RNPEP: variants seen among roughly 807,000 people sequenced by gnomAD.
The protein encoded by RNPEP is aminopeptidase B.
A neutral mutation model predicts 70.1 loss-of-function variants in RNPEP; 57 were observed. That is an observed-to-expected ratio of 0.81 (90% CI 0.66 to 1.01). RNPEP has a LOEUF of 1.01. Ranked by LOEUF, RNPEP falls within the 50% of genes least tolerant of loss-of-function variation. The pLI is 0.00. For missense variants in RNPEP, 787 were observed against 852.4 expected (o/e 0.92, Z 0.96); for synonymous variants, 335 against 357.4 (o/e 0.94, Z 0.71).
At chr1:201,995,405 G>A (rs151053650) in intron 3 of RNPEP, among the ~76,000 whole-genome samples, 20 of 152,166 alleles carry the variant, frequency 1.3e-4, no homozygotes, top group East Asian at 9.7e-4. Flanking sequence ...GGTTTGGGTC[G>A]GACACAGTGG....
chr1:201,999,861 G>A (rs1683717784), intron 5 of RNPEP, 41 bp from the exon 6 acceptor site: 1 of 1,511,086 alleles, frequency 6.6e-7, no homozygotes, highest in Non-Finnish European at 9.1e-7. Flanking sequence ...TGGATGTGGT[G>A]ACAGACGTTT....
chr1:202,000,221 G>A, intron 6 of RNPEP: 2 of 496,030 alleles, frequency 4.0e-6, no homozygotes, highest in East Asian at 3.3e-5. Context: ...TGTCCAGTCT[G>A]TGCGGTTCGT....
At chr1:202,002,888 G>T (rs1683887045) in intron 8 of RNPEP, among the ~76,000 whole-genome samples, 1 of 152,152 alleles carries the variant, frequency 6.6e-6, no homozygotes, top group East Asian at 1.9e-4. Context: ...ACAGAGCAGG[G>T]GTAGGAACCC....
At position 201,999,951 on chromosome 1, in the gene RNPEP, T is replaced by C; in HGVS notation, c.1140T>C (p.Arg380=). ...LEAATGRALL[R]QHMDITGEEN... ...CTGCAACGGGGCGGGCTCTGCTGCG[T>C]CAGCACATGGACATCACTGGAGAGG... Residue 380 remains arginine, a synonymous_variant, in exon 6 of 11, where the codon CGT becomes CGC. Coordinates refer to ENST00000295640, the MANE Select transcript of RNPEP (RefSeq NM_020216.4). 6.2e-7 allele frequency: 1 copy of C among 1,613,858 alleles called. No individual in the cohort carries two copies. The highest frequency in any genetic ancestry group is 8.5e-7 in the Non-Finnish European group (1 of 1,179,884).
intron 8 of RNPEP, among the ~76,000 whole-genome samples, chr1:202,002,511 T>C (rs1178308597): frequency 6.6e-6 from 1 of 152,204 alleles, no homozygotes; most frequent in African/African-American, 2.4e-5. Context: ...ACGAAAAATG[T>C]CCTGTCATGG....
rs1406870299 is a variant in RNPEP at position 201,989,589 on chromosome 1, CT to C, written c.737+59del. On this transcript the variant is annotated intron_variant, in intron 3 of 10. Coordinates refer to ENST00000295640, the MANE Select transcript of RNPEP (RefSeq NM_020216.4). ...ATTGGCCTCAGAGGTGAGGAGGACTCTGACCAGTGGACCTGCTGGGGGGGTT... is the reference window on the plus strand; with the variant it reads ...ATTGGCCTCAGAGGTGAGGAGGACTCGACCAGTGGACCTGCTGGGGGGGTT... 4 of 1,592,902 alleles carry C rather than the reference CT, an allele frequency of 2.5e-6. No homozygotes were observed. The Admixed American group carries it at 6.8e-5, about 27-fold the overall frequency.
chr1:201,994,611 C>T (rs531090235), intron 3 of RNPEP, among the ~76,000 whole-genome samples: 13 of 151,864 alleles, frequency 8.6e-5, no homozygotes, highest in East Asian at 3.9e-4. Flanking sequence ...CTTCAGCAAA[C>T]GCAGAGGAAG....
chr1:201,982,766 T>G lies in RNPEP; in HGVS notation c.100T>G (p.Phe34Val). 2 of 1,362,288 alleles carry G rather than the reference T, an allele frequency of 1.5e-6. No homozygotes were observed. Among genetic ancestry groups the G allele is most frequent in the Non-Finnish European group, 1.9e-6 (2 of 1,056,346 alleles). The allele number at this position is 1,362,288 out of a possible 1,614,324, so 84.4% of individuals were successfully genotyped here. Residue 34 changes from phenylalanine (F) to valine (V), a missense_variant, in exon 1 of 11, where the codon TTT becomes GTT. Coordinates refer to ENST00000295640, the MANE Select transcript of RNPEP (RefSeq NM_020216.4). The part of the protein sequence containing the change: ...DVASASNFRA[F>V]ELLHLHLDLR... ...GGCCTCGGCCTCCAACTTCCGGGCC[T>G]TTGAGCTGCTGCACTTGCACCTGGA... is the stretch of plus-strand genomic sequence containing the variant.
chr1:201,997,336 T>C lies in RNPEP; in HGVS notation c.872T>C (p.Met291Thr). Reference protein sequence around the residue: ...YVWGRYDLLFMPPSFPFGGME... With the variant: ...YVWGRYDLLFTPPSFPFGGME... The stretch of plus-strand genomic sequence containing the variant: ...CTCGGCAGGTATGACTTGCTCTTCA[T>C]GCCACCGTCCTTTCCATTTGGAGGA... Residue 291 changes from methionine (M) to threonine (T), a missense_variant, in exon 5 of 11, where the codon ATG (methionine) becomes ACG (threonine). Physicochemically the swap from Met to Thr is moderately conservative, Grantham distance 81. Coordinates refer to ENST00000295640, the MANE Select transcript of RNPEP (RefSeq NM_020216.4). The C allele has an allele frequency of 6.2e-7, 1 of 1,614,204 alleles. No individual in the cohort carries two copies.
At chr1:201,983,891 T>A in intron 1 of RNPEP, 1 of 992,418 alleles carries the variant, frequency 1.0e-6, no homozygotes. Context: ...TCAGGTAGAG[T>A]TGGTTGCAAG....
At position 201,996,639 on chromosome 1, in the gene RNPEP, G is replaced by A. The variant is rs112855260; in HGVS notation, c.854+376G>A. The stretch of plus-strand genomic sequence containing the variant: ...CTCCAGAGTAGCTGGGATTACAGAC[G>A]CCCTCCACCACACTCAGCTAATTTT... On this transcript the variant is annotated intron_variant, in intron 4 of 10. Transcript: ENST00000295640. Among the ~76,000 whole-genome samples, 1,517 of 152,122 alleles carry A rather than the reference G, an allele frequency of 1.0e-2. 26 individuals are homozygous for A. Among genetic ancestry groups the A allele is most frequent in the African/African-American group, 0.034 (1,394 of 41,492 alleles).
chr1:201,987,090 G>T (rs1232468584), intron 1 of RNPEP, among the ~76,000 whole-genome samples: 1 of 152,074 alleles, frequency 6.6e-6, no homozygotes, highest in Non-Finnish European at 1.5e-5. Flanking sequence ...CTCAGACACT[G>T]CTGTGTTCAG....
Position 201,982,823 on chromosome 1 carries a change from G to A in RNPEP, c.157G>A (p.Gly53Ser), listed in dbSNP as rs1451005061. The change falls in exon 1 of 11, where the codon GGC (glycine) becomes AGC (serine). Residue 53 changes from glycine (G) to serine (S), a missense_variant. By Grantham distance (56) the Gly-to-Ser change is moderately conservative (BLOSUM62 0). Coordinates refer to ENST00000295640, the MANE Select transcript of RNPEP (RefSeq NM_020216.4). ...LRAEFGPPGP[G>S]AGSRGLSGTA... is the part of the protein sequence containing the mutation. ...GGCTGAGTTCGGGCCTCCAGGGCCC[G>A]GCGCAGGGAGCCGGGGGCTGAGCGG... The A allele has an allele frequency of 3.0e-6, 4 of 1,333,204 alleles. No individual in the cohort carries two copies. Among genetic ancestry groups the A allele is most frequent in the African/African-American group, 1.5e-5 (1 of 64,660 alleles). The allele number at this position is 1,333,204 out of a possible 1,614,324, so 82.6% of individuals were successfully genotyped here. A position where few individuals can be genotyped will look rare whatever the true frequency, so the allele number is the denominator to read the frequency against.
chr1:201,991,407 G>C (rs6691786), intron 3 of RNPEP, among the ~76,000 whole-genome samples: 132,312 of 152,222 alleles, frequency 0.87, 57,857 homozygotes, highest in East Asian at 0.94. Context: ...CCACCACGCC[G>C]GGCCGTGGGG....
Position 202,000,307 on chromosome 1 carries a change from A to T in RNPEP, c.1204+292A>T, listed in dbSNP as rs188027843. 586 of 282,600 alleles carry T rather than the reference A, an allele frequency of 2.1e-3. 3 individuals are homozygous for T. The highest frequency in any genetic ancestry group is 2.6e-3 in the Non-Finnish European group (390 of 147,706). 17.5% of individuals were successfully genotyped at this position (282,600 alleles called of 1,614,324 possible). The stretch of plus-strand genomic sequence containing the variant: ...GGCTCTTTCGCATTCCTTCATGATC[A>T]TCAGGGCAGATCTGTGGATTCTGTA... On this transcript the variant is annotated intron_variant, in intron 6 of 10. Coordinates refer to ENST00000295640, the MANE Select transcript of RNPEP (RefSeq NM_020216.4).
At chr1:201,989,657 C>G in intron 3 of RNPEP, 126 bp downstream of exon 3, 1 of 939,392 alleles carries the variant, frequency 1.1e-6, no homozygotes, top group South Asian at 1.6e-5. Flanking sequence ...CAGAGCCTTT[C>G]TGCAGCTCAT....
rs1683020822 is a variant in RNPEP at position 201,983,619 on chromosome 1, T to C, written c.447+506T>C. The stretch of plus-strand genomic sequence containing the variant: ...CTGTGTTGCCTTCTAGTTCCACGGT[T>C]AAAGCTCTTATCTTTGTTTTTGTTT... On this transcript the variant is annotated intron_variant, in intron 1 of 10. Transcript: ENST00000295640. 8.0e-6 allele frequency: 10 copies of C among 1,244,996 alleles called. No homozygotes were observed. In the South Asian group the frequency reaches 1.3e-4, roughly 16 times the overall value. The allele number at this position is 1,244,996 out of a possible 1,614,324, so 77.1% of individuals were successfully genotyped here.
At chr1:201,998,464 T>G (rs1289924515) in intron 5 of RNPEP, among the ~76,000 whole-genome samples, 1 of 152,166 alleles carries the variant, frequency 6.6e-6, no homozygotes, top group Admixed American at 6.6e-5. Context: ...CAGACTGGTC[T>G]TGAACTCCTG....
chr1:201,982,884 A>G lies in RNPEP; in HGVS notation c.218A>G (p.Glu73Gly). Residue 73 changes from glutamate to glycine, a missense_variant, in exon 1 of 11, where the codon GAG becomes GGG. Coordinates refer to ENST00000295640, the MANE Select transcript of RNPEP (RefSeq NM_020216.4). Reference sequence around the variant, plus strand: ...CTGGACCTGCGCTGCCTGGAGCCCGAGGGCGCCGCCGAGCTGCGGCTGGAC... The same window carrying G: ...CTGGACCTGCGCTGCCTGGAGCCCGGGGGCGCCGCCGAGCTGCGGCTGGAC... The part of the protein sequence containing the change: ...AVLDLRCLEP[E>G]GAAELRLDSH... The G allele has an allele frequency of 7.1e-7, 1 of 1,410,582 alleles. No individual in the cohort carries two copies. The highest frequency in any genetic ancestry group is 9.2e-7 in the Non-Finnish European group (1 of 1,089,164). 87.4% of individuals were successfully genotyped at this position (1,410,582 alleles called of 1,614,324 possible).
Sources: allele counts gnomAD v4.1 joint callset (sites outside exome capture counted in the v4.1 genomes callset), GRCh38; gene constraint gnomAD v4.1.1; transcripts MANE v1.5; gene names NCBI Gene and HGNC (gene_info 2026-07-23, HGNC 2026-07-21).